Variants in PPARGC1A observed in about 807,000 individuals in gnomAD.
The protein encoded by PPARGC1A is PPARG coactivator 1 alpha, also known as peroxisome proliferator-activated receptor gamma coactivator 1-alpha.
PPARGC1A carries 25 observed loss-of-function variants against 88.7 expected under a neutral mutation model. The ratio of observed to expected loss-of-function variants is 0.28; its 90% confidence interval spans 0.21 to 0.39. The LOEUF (loss-of-function observed/expected upper bound fraction) is 0.39, where lower values mean the gene tolerates loss of function less well. PPARGC1A is among the 10% of genes least tolerant of loss of function. The pLI is 1.00. For missense variants in PPARGC1A, 880 were observed against 968.7 expected (o/e 0.91, Z 1.22); for synonymous variants, 363 against 355.6 (o/e 1.02, Z -0.24).
chr4:24,240,011 A>G, the PPARGC1A span, among the ~76,000 whole-genome samples: 1 of 152,114 alleles, frequency 6.6e-6, no homozygotes, highest in Admixed American at 6.6e-5. Flanking sequence ...TTTCCACTTG[A>G]ATTCAAGTAA....
the PPARGC1A span, among the ~76,000 whole-genome samples, chr4:24,194,489 C>T: frequency 6.6e-6 from 1 of 152,174 alleles, no homozygotes; most frequent in African/African-American, 2.4e-5. Flanking sequence ...TAGGAAACAT[C>T]TGATTAAATC....
the PPARGC1A span, among the ~76,000 whole-genome samples, chr4:24,257,176 T>C: frequency 6.6e-6 from 1 of 152,082 alleles, no homozygotes; most frequent in African/African-American, 2.4e-5. Context: ...TTTTAGGTTG[T>C]AGACTTTCTG....
chr4:24,209,512 C>G, the PPARGC1A span, among the ~76,000 whole-genome samples: 1 of 152,304 alleles, frequency 6.6e-6, no homozygotes, highest in East Asian at 1.9e-4. Context: ...GGGCACAGCA[C>G]AGCCCCTCAT....
At chr4:24,090,004 A>G in the PPARGC1A span, among the ~76,000 whole-genome samples, 23 of 152,218 alleles carry the variant, frequency 1.5e-4, no homozygotes, top group Non-Finnish European at 2.9e-4. Flanking sequence ...CAGTGATATG[A>G]CACATGCATT....
At chr4:24,351,491 T>G in the PPARGC1A span, among the ~76,000 whole-genome samples, 2 of 149,758 alleles carry the variant, frequency 1.3e-5, no homozygotes, top group East Asian at 4.0e-4. Flanking sequence ...AGCAGAAGAG[T>G]GATTTGTTGA....
At chr4:23,887,815 G>A (rs1717159664) in intron 1 of PPARGC1A, among the ~76,000 whole-genome samples, 1 of 152,054 alleles carries the variant, frequency 6.6e-6, no homozygotes, top group African/African-American at 2.4e-5. Context: ...AAAAGAAACT[G>A]GGTTCTTAAA....
chr4:23,825,740 T>G (rs1395809244), intron 5 of PPARGC1A, among the ~76,000 whole-genome samples: 1 of 152,154 alleles, frequency 6.6e-6, no homozygotes, highest in South Asian at 2.1e-4. Context: ...TAGATTTAGA[T>G]CTACACAGTT....
intron 2 of PPARGC1A, chr4:23,877,598 A>G (rs984249986): frequency 1.3e-4 from 19 of 151,944 alleles, no homozygotes; most frequent in Non-Finnish European, 2.8e-4. Context: ...AGAAGAAGAA[A>G]AAAAAATGGC....
chr4:24,229,152 C>CTTTTTTTTTCTTTTTTTTT, the PPARGC1A span, among the ~76,000 whole-genome samples: 2 of 60,894 alleles, frequency 3.3e-5, no homozygotes, highest in African/African-American at 1.2e-4. Flanking sequence ...GTATCTGGAC[C>CTTTTTTTTTCTTTTTTTTT]TTTTTTTTTT....
At chr4:23,896,241 T>A (rs1392858897) in intron 1 of PPARGC1A, among the ~76,000 whole-genome samples, 1 of 152,026 alleles carries the variant, frequency 6.6e-6, no homozygotes, top group Admixed American at 6.6e-5. Flanking sequence ...TGAATGTGCC[T>A]TTCTGTAATT....
the PPARGC1A span, among the ~76,000 whole-genome samples, chr4:24,190,887 T>A: frequency 6.6e-6 from 1 of 152,144 alleles, no homozygotes; most frequent in Admixed American, 6.5e-5. Context: ...AAGAGGAACA[T>A]CAGTTTGTCC....
the PPARGC1A span, among the ~76,000 whole-genome samples, chr4:24,060,903 G>T: frequency 6.6e-6 from 1 of 152,104 alleles, no homozygotes; most frequent in African/African-American, 2.4e-5. Flanking sequence ...AAAACCCTGG[G>T]AGTTCTATAT....
At chr4:24,471,691 C>T in the PPARGC1A span, among the ~76,000 whole-genome samples, 1 of 152,152 alleles carries the variant, frequency 6.6e-6, no homozygotes, top group South Asian at 2.1e-4. The surrounding 1 kb of genome is among the most constrained non-coding windows in gnomAD (Gnocchi z 5.4). Flanking sequence ...ACCTACAGGC[C>T]GGCGGCGTGG....
At chr4:24,361,833 C>T in the PPARGC1A span, among the ~76,000 whole-genome samples, 1 of 152,186 alleles carries the variant, frequency 6.6e-6, no homozygotes, top group Non-Finnish European at 1.5e-5. Flanking sequence ...CTTGTTCTGA[C>T]ATCTGGGAAG....
At chr4:24,218,022 C>T in the PPARGC1A span, among the ~76,000 whole-genome samples, 18 of 152,194 alleles carry the variant, frequency 1.2e-4, no homozygotes, top group African/African-American at 3.6e-4. Context: ...AAGGAAGGTA[C>T]TTGTAATATT....
At chr4:23,848,762 T>C (rs1214523667) in intron 2 of PPARGC1A, among the ~76,000 whole-genome samples, 1 of 152,160 alleles carries the variant, frequency 6.6e-6, no homozygotes, top group East Asian at 1.9e-4. Flanking sequence ...CAAAGTCTTA[T>C]GGGATTTAGC....
chr4:24,052,435 G>T, the PPARGC1A span, among the ~76,000 whole-genome samples: 1 of 152,168 alleles, frequency 6.6e-6, no homozygotes, highest in East Asian at 1.9e-4. Context: ...TCAGGACTTT[G>T]AGACCAGCCT....
At chr4:23,900,219 T>C (rs1719161121), upstream of PPARGC1A, among the ~76,000 whole-genome samples, 1 of 152,228 alleles carries the variant, frequency 6.6e-6, no homozygotes, top group Admixed American at 6.5e-5. Flanking sequence ...CATTTATTTC[T>C]TGAATAAGTG....
At chr4:24,390,677 T>C in the PPARGC1A span, among the ~76,000 whole-genome samples, 2 of 152,070 alleles carry the variant, frequency 1.3e-5, no homozygotes, top group African/African-American at 4.8e-5. Flanking sequence ...TGCTTTTCAT[T>C]TTTATATTCA....
Sources: gnomAD v4.1 joint callset for allele counts (sites outside exome capture counted in the v4.1 genomes callset) on GRCh38, gnomAD v4.1.1 for gene constraint, Gnocchi (gnomAD v3.1) non-coding constraint, MANE v1.5 for transcripts, NCBI Gene and HGNC (gene_info 2026-07-23, HGNC 2026-07-21) for gene names.